CDKL4: variants seen among roughly 807,000 people sequenced by gnomAD.
CDKL4 encodes cyclin-dependent kinase-like 4.
A neutral mutation model predicts 42.0 loss-of-function variants in CDKL4; 44 were observed. The ratio of observed to expected loss-of-function variants is 1.05; its 90% confidence interval spans 0.82 to 1.35. The LOEUF (loss-of-function observed/expected upper bound fraction) is 1.35, where lower values mean the gene tolerates loss of function less well. Ranked by LOEUF, CDKL4 falls within the 40% of genes most tolerant of loss-of-function variation. CDKL4 has a pLI of 0.00. For synonymous variants in CDKL4, 120 were observed against 121.6 expected, an observed-to-expected ratio of 0.99 and a Z score of 0.09; for missense variants, 393 against 369.9, an observed-to-expected ratio of 1.06 and a Z score of -0.51.
intron 3 of CDKL4, among the ~76,000 whole-genome samples, chr2:39,214,625 G>A (rs756785438): frequency 6.6e-6 from 1 of 152,154 alleles, no homozygotes; most frequent in African/African-American, 2.4e-5. Context: ...ATTACATTTC[G>A]ATCCTGCATG....
At chr2:39,179,082 C>G (rs1433175515) in intron 9 of CDKL4, 105 bp downstream of exon 9, 3 of 1,524,270 alleles carry the variant, frequency 2.0e-6, no homozygotes, top group Admixed American at 2.3e-5. Context: ...TACACCAGTA[C>G]AAATGAAAGG....
chr2:39,181,819 C>A (rs1163830506), intron 8 of CDKL4, among the ~76,000 whole-genome samples: 1 of 152,082 alleles, frequency 6.6e-6, no homozygotes, highest in East Asian at 1.9e-4. Context: ...AAGGAAAGAA[C>A]CTTGCCAAGA....
At chr2:39,208,701 C>CTT (rs761337117) in intron 4 of CDKL4, among the ~76,000 whole-genome samples, 96 of 101,968 alleles carry the variant, frequency 9.4e-4, no homozygotes, top group Non-Finnish European at 1.3e-3. Context: ...GACGGGCAAT[C>CTT]TTTTTTTTTT....
downstream of CDKL4, among the ~76,000 whole-genome samples, chr2:39,174,538 C>T (rs545705455): frequency 2.6e-5 from 4 of 152,158 alleles, no homozygotes; most frequent in Non-Finnish European, 4.4e-5. Context: ...CTTTTAGACA[C>T]GAACATAGGA....
upstream of CDKL4, among the ~76,000 whole-genome samples, chr2:39,246,018 T>A (rs548278417): frequency 1.3e-5 from 2 of 152,284 alleles, no homozygotes; most frequent in East Asian, 3.9e-4. Flanking sequence ...TGGCTAGAGC[T>A]TACCCATTTT....
At chr2:39,179,546 G>C (rs1258329251) in intron 8 of CDKL4, among the ~76,000 whole-genome samples, 2 of 152,252 alleles carry the variant, frequency 1.3e-5, no homozygotes, top group African/African-American at 4.8e-5. Flanking sequence ...CTCTCTGAAA[G>C]AGGCCACCTG....
At chr2:39,221,357 G>A (rs961572420) in intron 3 of CDKL4, among the ~76,000 whole-genome samples, 1 of 151,968 alleles carries the variant, frequency 6.6e-6, no homozygotes, top group Non-Finnish European at 1.5e-5. Flanking sequence ...TTTATCCTAC[G>A]TGTTTCCTCT....
chr2:39,222,907 T>C (rs1678465647), intron 3 of CDKL4, among the ~76,000 whole-genome samples: 4 of 152,132 alleles, frequency 2.6e-5, no homozygotes. Flanking sequence ...CAACATCCTA[T>C]TTAGTGCAGG....
intron 3 of CDKL4, among the ~76,000 whole-genome samples, chr2:39,221,408 G>C (rs1678365706): frequency 6.6e-6 from 1 of 152,108 alleles, no homozygotes; most frequent in Admixed American, 6.6e-5. Flanking sequence ...TATACTAGCT[G>C]GTTGTTTATC....
At chr2:39,220,956 G>A (rs1165829831) in intron 3 of CDKL4, among the ~76,000 whole-genome samples, 2 of 102,078 alleles carry the variant, frequency 2.0e-5, no homozygotes, top group Admixed American at 1.2e-4. Context: ...GGCTCAATCC[G>A]CATTCACTAC....
chr2:39,215,398 A>C (rs1013531541), intron 3 of CDKL4, among the ~76,000 whole-genome samples: 4 of 152,174 alleles, frequency 2.6e-5, no homozygotes, highest in African/African-American at 9.7e-5. Flanking sequence ...TATATGCTGC[A>C]AATATTTTGC....
chr2:39,209,081 G>A lies in CDKL4; in HGVS notation c.363+4319C>T, dbSNP rs150028446. 7.3e-3 allele frequency among the ~76,000 whole-genome samples: 1,096 copies of A among 150,198 alleles called. 11 individuals carry two copies. Among genetic ancestry groups the A allele is most frequent in the African/African-American group, 0.026 (1,050 of 40,764 alleles). ...TTTGGGAGGCCAAGGTGGGAGAATCGCTTGAGGTCAGGGGTTTGAGACCAC... is the reference window on the plus strand; with the variant it reads ...TTTGGGAGGCCAAGGTGGGAGAATCACTTGAGGTCAGGGGTTTGAGACCAC... On this transcript the variant is annotated intron_variant, in intron 4 of 9. Coordinates refer to ENST00000451199, the Ensembl canonical transcript of CDKL4.
At chr2:39,191,536 C>T (rs1017456826) in intron 5 of CDKL4, among the ~76,000 whole-genome samples, 4 of 152,172 alleles carry the variant, frequency 2.6e-5, no homozygotes, top group Non-Finnish European at 4.4e-5. Context: ...CTGTTGTTTT[C>T]AGCCACTCAG....
chr2:39,176,400 A>G (rs1361226220), intron 9 of CDKL4, among the ~76,000 whole-genome samples: 1 of 152,184 alleles, frequency 6.6e-6, no homozygotes, highest in South Asian at 2.1e-4. Flanking sequence ...CAATAATTCC[A>G]GGAGACTACA....
upstream of CDKL4, among the ~76,000 whole-genome samples, chr2:39,245,766 T>G (rs1279315244): frequency 6.6e-6 from 1 of 152,230 alleles, no homozygotes; most frequent in East Asian, 1.9e-4. Context: ...TCTCTGTCAT[T>G]AGTCATTACT....
At chr2:39,246,527 G>C (rs1308816930), upstream of CDKL4, among the ~76,000 whole-genome samples, 3 of 152,130 alleles carry the variant, frequency 2.0e-5, no homozygotes, top group Non-Finnish European at 4.4e-5. Flanking sequence ...ATCTTTTTAT[G>C]CAGCTTCCTG....
chr2:39,179,379 T>A (rs1479577945), intron 8 of CDKL4, 58 bp from the exon 9 acceptor site: 1 of 1,375,860 alleles, frequency 7.3e-7, no homozygotes, highest in African/African-American at 1.5e-5. Context: ...TTTGTTACCG[T>A]GCCCACAAAC....
chr2:39,201,908 A>T (rs997840891), intron 5 of CDKL4, among the ~76,000 whole-genome samples: 18 of 152,120 alleles, frequency 1.2e-4, no homozygotes, highest in African/African-American at 4.1e-4. Flanking sequence ...GTGGTGGGGG[A>T]ACCAAAATTC....
chr2:39,198,523 T>A (rs1054080251), intron 5 of CDKL4, among the ~76,000 whole-genome samples: 1 of 152,018 alleles, frequency 6.6e-6, no homozygotes, highest in African/African-American at 2.4e-5. Flanking sequence ...TTCTACACCA[T>A]AAATGCAGAA....
Sources: allele counts gnomAD v4.1 joint callset (sites outside exome capture counted in the v4.1 genomes callset), GRCh38; gene constraint gnomAD v4.1.1; transcripts MANE v1.5; gene names NCBI Gene and HGNC (gene_info 2026-07-23, HGNC 2026-07-21).